Variants in POF1B observed in about 807,000 individuals in gnomAD.
POF1B encodes the protein POF1B actin binding protein, also known as protein POF1B.
POF1B carries 53 observed loss-of-function variants against 55.3 expected under a neutral mutation model. That is an observed-to-expected ratio of 0.96 (90% confidence interval 0.77 to 1.20). POF1B has a LOEUF of 1.20. Among genes scored for constraint, POF1B ranks in the 50% most tolerant of loss-of-function variants. POF1B has a pLI of 0.00. For missense variants in POF1B, 478 were observed against 420.5 expected, an observed-to-expected ratio of 1.14 and a Z score of -1.20; for synonymous variants, 188 against 148.3, an observed-to-expected ratio of 1.27 and a Z score of -1.95.
Position 85,295,042 on chromosome X carries a change from G to A in POF1B, c.1649+8364C>T, listed in dbSNP as rs189189712. 7.6e-3 allele frequency among the ~76,000 whole-genome samples: 847 copies of A among 111,559 alleles called. 4 individuals carry two copies. The highest frequency in any genetic ancestry group is 0.013 in the Non-Finnish European group (696 of 53,017). On this transcript the variant is annotated intron_variant, in intron 15 of 16. Coordinates refer to ENST00000262753, the MANE Select transcript of POF1B (RefSeq NM_024921.4). ...TTTCATAATAGTCTGAGGACCTTTT[G>A]TATTTCTGTGGGATTGGTTGTAAAG...
intron 6 of POF1B, among the ~76,000 whole-genome samples, chrX:85,345,580 G>C (rs188862476): frequency 3.6e-5 from 4 of 110,893 alleles, no homozygotes; most frequent in Admixed American, 1.9e-4. Context: ...TTGCACAACT[G>C]TTGGGCCCAT....
At chrX:85,324,059 A>G (rs1251059606) in intron 7 of POF1B, among the ~76,000 whole-genome samples, 3 of 111,533 alleles carry the variant, frequency 2.7e-5, no homozygotes, top group East Asian at 2.8e-4. Context: ...TTCTATTTTT[A>G]TTGCACTGTG....
intron 16 of POF1B, 164 bp downstream of exon 16, chrX:85,282,039 C>G (rs1463416091): frequency 7.5e-6 from 4 of 534,541 alleles, no homozygotes; most frequent in Non-Finnish European, 1.0e-5. Context: ...ATGTATGAAT[C>G]TTTCCAAAAT....
At chrX:85,337,065 A>T (rs1239049853) in intron 6 of POF1B, among the ~76,000 whole-genome samples, 1 of 111,792 alleles carries the variant, frequency 8.9e-6, no homozygotes, top group East Asian at 2.8e-4. Context: ...CCTTTTCCCA[A>T]TGCGTGTTCA....
intron 6 of POF1B, among the ~76,000 whole-genome samples, chrX:85,336,326 A>C (rs1489475734): frequency 9.0e-6 from 1 of 110,786 alleles, no homozygotes; most frequent in African/African-American, 3.3e-5. Flanking sequence ...TATACCCAGC[A>C]GTGGAATTGC....
rs1361191907 is a variant in POF1B, at chrX:85,351,258, G to A, written c.540+92C>T. The A allele has an allele frequency of 1.5e-5, 8 of 530,647 alleles. No homozygotes were observed. In the East Asian group the frequency reaches 3.1e-4, roughly 21 times the overall value. The allele number at this position is 530,647 out of a possible 1,213,427, so 43.7% of individuals were successfully genotyped here. A position where few individuals can be genotyped will look rare whatever the true frequency, so the allele number is the denominator to read the frequency against. ...TTATAACTCATGGTGGTCTTGCCTTGCACTTCAGAGTTGAATGTCACTTGA... is the reference window on the plus strand; with the variant it reads ...TTATAACTCATGGTGGTCTTGCCTTACACTTCAGAGTTGAATGTCACTTGA... On this transcript the variant is annotated intron_variant, in intron 5 of 16. Transcript: ENST00000262753.
intron 1 of POF1B, 63 bp from the exon 2 acceptor site, chrX:85,379,558 C>A (rs746364050): frequency 3.1e-5 from 27 of 867,288 alleles, no homozygotes; most frequent in Non-Finnish European, 4.1e-5. Context: ...GTCAGGCAGG[C>A]AGACAGACAC....
chrX:85,284,392 C>T (rs1409512281), intron 15 of POF1B, among the ~76,000 whole-genome samples: 1 of 111,608 alleles, frequency 9.0e-6, no homozygotes, highest in Admixed American at 9.5e-5. Context: ...ATCACGCTAC[C>T]TGACTTCAAA....
At position 85,319,009 on chromosome X, in the gene POF1B, G is replaced by A. The variant is rs144718483; in HGVS notation, c.855-3275C>T. ...TTATTCCTATCCATTAGCATGGGAT[G>A]TTTTTCCATTTGTTGGTGTCGTCTC... On this transcript the variant is annotated intron_variant, in intron 7 of 16. Coordinates refer to ENST00000262753, the MANE Select transcript of POF1B (RefSeq NM_024921.4). Among the ~76,000 whole-genome samples the A allele has an allele frequency of 8.1e-3, 908 of 111,506 alleles. 11 individuals carry two copies. The highest frequency in any genetic ancestry group is 0.028 in the African/African-American group (855 of 30,752).
intron 5 of POF1B, among the ~76,000 whole-genome samples, chrX:85,347,094 A>T (rs1252921271): frequency 9.0e-6 from 1 of 111,116 alleles, no homozygotes; most frequent in African/African-American, 3.3e-5. Context: ...AAGAAAAGAT[A>T]TCCAGTTATT....
chrX:85,340,808 T>C (rs770093225), intron 6 of POF1B, among the ~76,000 whole-genome samples: 1 of 110,413 alleles, frequency 9.1e-6, no homozygotes, highest in East Asian at 2.9e-4. Flanking sequence ...AGTAGAAAGC[T>C]GATAAGGGAT....
rs775890317 is a variant in POF1B at position 85,346,578 on chromosome X, C to T, written c.541-536G>A. ...AAAACCAGCGACTGAAACTTTAGAC[C>T]TAGAAAACATGGATTCTAACTCTGA... On this transcript the variant is annotated intron_variant, in intron 5 of 16. Coordinates refer to ENST00000262753, the MANE Select transcript of POF1B (RefSeq NM_024921.4). 1.4e-4 allele frequency among the ~76,000 whole-genome samples: 15 copies of T among 109,745 alleles called. No individual in the cohort carries two copies. In the South Asian group the frequency reaches 5.0e-3, roughly 36 times the overall value.
In POF1B at chrX:85,367,769, G is replaced by T. The variant is rs1229171756; in HGVS notation, c.283-3C>A. On this transcript the variant is annotated splice_polypyrimidine_tract_variant and splice_region_variant and intron_variant, in intron 2 of 16. Transcript: ENST00000262753. ...TTTAAAGTTGGAGAATGGAGTTCCT[G>T]TTAAGAGAAACAAAAGGGAGTTCAG... is the stretch of plus-strand genomic sequence containing the variant. 1 of 1,117,704 alleles carries T rather than the reference G, an allele frequency of 8.9e-7. No homozygotes were observed. Among genetic ancestry groups the T allele is most frequent in the Non-Finnish European group, 1.2e-6 (1 of 831,639 alleles). The allele number at this position is 1,117,704 out of a possible 1,213,427, so 92.1% of individuals were successfully genotyped here. A position where few individuals can be genotyped will look rare whatever the true frequency, so the allele number is the denominator to read the frequency against.
At position 85,379,301 on chromosome X, in the gene POF1B, C is replaced by G. The variant is rs1392653708; in HGVS notation, c.154G>C (p.Val52Leu). The change falls in exon 2 of 17, where the codon GTG becomes CTG. Residue 52 changes from valine to leucine, a missense_variant. Coordinates refer to ENST00000262753, the MANE Select transcript of POF1B (RefSeq NM_024921.4). ...TTCATGGGCCCACTGTAGGTCCTCACTCGCTCATACACTACATTTTTTTCT... is the reference window on the plus strand; with the variant it reads ...TTCATGGGCCCACTGTAGGTCCTCAGTCGCTCATACACTACATTTTTTTCT... ...PPEKNVVYERVRTYSGPMNKV... is the reference protein window; with the variant it reads ...PPEKNVVYERLRTYSGPMNKV... The G allele has an allele frequency of 1.7e-6, 2 of 1,208,116 alleles. No individual in the cohort carries two copies. Among genetic ancestry groups the G allele is most frequent in the Non-Finnish European group, 2.2e-6 (2 of 894,924 alleles).
chrX:85,282,061 C>A, intron 16 of POF1B, 142 bp downstream of exon 16: 1 of 711,375 alleles, frequency 1.4e-6, no homozygotes, highest in Non-Finnish European at 1.8e-6. Context: ...TGTTAATTCC[C>A]ACTGTATATC....
chrX:85,340,865 A>G (rs1382905295), intron 6 of POF1B, among the ~76,000 whole-genome samples: 2 of 111,431 alleles, frequency 1.8e-5, no homozygotes, highest in Non-Finnish European at 3.8e-5. Context: ...GAAAAGAATT[A>G]ACAATAGATA....
intron 3 of POF1B, among the ~76,000 whole-genome samples, chrX:85,365,241 A>C (rs775267589): frequency 9.0e-6 from 1 of 111,464 alleles, no homozygotes; most frequent in South Asian, 3.8e-4. Context: ...CATATTCTGA[A>C]TTCTATTTCT....
intron 15 of POF1B, among the ~76,000 whole-genome samples, chrX:85,299,253 G>A (rs1421264590): frequency 1.1e-5 from 1 of 91,201 alleles, no homozygotes; most frequent in Non-Finnish European, 2.1e-5. Flanking sequence ...GTGCAGTGGT[G>A]CGATCTTGGC....
chrX:85,279,945 T>A (rs1324452002), intron 16 of POF1B, among the ~76,000 whole-genome samples: 1 of 111,253 alleles, frequency 9.0e-6, no homozygotes, highest in African/African-American at 3.3e-5. Flanking sequence ...GTCTTAACTT[T>A]GGGCATCAAA....
Sources: gnomAD v4.1 joint callset for allele counts (sites outside exome capture counted in the v4.1 genomes callset) on GRCh38, gnomAD v4.1.1 for gene constraint, MANE v1.5 for transcripts, NCBI Gene and HGNC (gene_info 2026-07-23, HGNC 2026-07-21) for gene names.